RABGAP1L: variants seen among roughly 807,000 people sequenced by gnomAD.
RABGAP1L encodes the protein rab GTPase-activating protein 1-like.
In RABGAP1L, 63 loss-of-function variants were observed where a neutral mutation model predicts 137.7. The ratio of observed to expected loss-of-function variants is 0.46; its 90% CI spans 0.37 to 0.56. RABGAP1L has a LOEUF of 0.56. Ranked by LOEUF, RABGAP1L falls within the 20% of genes least tolerant of loss-of-function variation. RABGAP1L has a pLI of 0.00. For missense variants in RABGAP1L, 1,095 were observed against 1,244.0 expected (o/e 0.88, Z 1.80); for synonymous variants, 431 against 433.7 (o/e 0.99, Z 0.08).
At chr1:174,300,986 C>A (rs1043391635) in intron 10 of RABGAP1L, among the ~76,000 whole-genome samples, 4 of 152,218 alleles carry the variant, frequency 2.6e-5, no homozygotes, top group Non-Finnish European at 4.4e-5. Flanking sequence ...GTTGGTAACA[C>A]CCCTGTCCGG....
intron 19 of RABGAP1L, among the ~76,000 whole-genome samples, chr1:174,812,946 A>G (rs1690026815): frequency 6.6e-6 from 1 of 152,166 alleles, no homozygotes; most frequent in Non-Finnish European, 1.5e-5. Flanking sequence ...GGGCTTGAGA[A>G]ACAGGAAGGC....
At chr1:174,331,837 C>G (rs539590817) in intron 11 of RABGAP1L, among the ~76,000 whole-genome samples, 1 of 137,318 alleles carries the variant, frequency 7.3e-6, no homozygotes, top group African/African-American at 2.7e-5. Context: ...TCCCCCCACC[C>G]CACAACCGTC....
chr1:174,883,994 A>C (rs566167671), intron 19 of RABGAP1L, among the ~76,000 whole-genome samples: 1 of 152,340 alleles, frequency 6.6e-6, no homozygotes, highest in East Asian at 1.9e-4. Context: ...GGTTATCAAG[A>C]ATAGAATGGA....
intron 11 of RABGAP1L, among the ~76,000 whole-genome samples, chr1:174,357,763 T>G (rs1683763498): frequency 6.6e-6 from 1 of 152,190 alleles, no homozygotes; most frequent in African/African-American, 2.4e-5. Context: ...CTGAGTTGGG[T>G]AAAGAAAAGT....
chr1:174,912,530 T>C (rs1660214637), intron 19 of RABGAP1L, among the ~76,000 whole-genome samples: 1 of 152,184 alleles, frequency 6.6e-6, no homozygotes, highest in Non-Finnish European at 1.5e-5. Context: ...AGTATAACCA[T>C]GTGCATATTA....
chr1:174,514,407 C>G (rs1245217215), intron 13 of RABGAP1L, among the ~76,000 whole-genome samples: 1 of 152,048 alleles, frequency 6.6e-6, no homozygotes. Flanking sequence ...ACTAGTTCCT[C>G]AAGAAGCTTG....
chr1:174,981,150 G>C (rs1301373798), intron 23 of RABGAP1L, among the ~76,000 whole-genome samples: 1 of 152,168 alleles, frequency 6.6e-6, no homozygotes, highest in African/African-American at 2.4e-5. Flanking sequence ...TATCTGGCAA[G>C]CCCTTGAAAT....
intron 19 of RABGAP1L, among the ~76,000 whole-genome samples, chr1:174,937,834 T>C (rs1573915373): frequency 6.7e-6 from 1 of 148,344 alleles, no homozygotes; most frequent in African/African-American, 2.5e-5. Context: ...GTAGCTGGGA[T>C]TACAGGCGCC....
chr1:174,233,567 C>A (rs2148516322), intron 4 of RABGAP1L, among the ~76,000 whole-genome samples: 1 of 143,836 alleles, frequency 7.0e-6, no homozygotes, highest in East Asian at 1.9e-4. Flanking sequence ...TTTCCAATTT[C>A]ATCCATGCCC....
chr1:174,730,024 C>T (rs899873655), intron 17 of RABGAP1L, among the ~76,000 whole-genome samples: 2 of 152,132 alleles, frequency 1.3e-5, no homozygotes, highest in African/African-American at 4.8e-5. Flanking sequence ...TTAATTGCAG[C>T]ACTATTTGCA....
chr1:174,815,249 C>T (rs1278865605), intron 19 of RABGAP1L, among the ~76,000 whole-genome samples: 2 of 152,074 alleles, frequency 1.3e-5, no homozygotes, highest in African/African-American at 2.4e-5. Context: ...GTCATCATGC[C>T]ATCATTACAG....
chr1:174,226,161 C>T (rs1285790892), intron 3 of RABGAP1L, among the ~76,000 whole-genome samples: 2 of 152,124 alleles, frequency 1.3e-5, no homozygotes, highest in Non-Finnish European at 2.9e-5. Context: ...CTCGGACCAC[C>T]CTTAGGTCAA....
chr1:174,955,342 C>T (rs941189383), intron 19 of RABGAP1L, among the ~76,000 whole-genome samples: 18 of 151,996 alleles, frequency 1.2e-4, no homozygotes, highest in African/African-American at 4.3e-4. Flanking sequence ...GTGAAACTTC[C>T]CAATTGTGGT....
intron 1 of RABGAP1L, among the ~76,000 whole-genome samples, chr1:174,215,784 A>G (rs1669263995): frequency 6.6e-6 from 1 of 152,198 alleles, no homozygotes; most frequent in Admixed American, 6.5e-5. Context: ...AAATCTAAAA[A>G]TTGAGGTTTC....
At chr1:174,309,327 C>T (rs1014823309) in intron 11 of RABGAP1L, among the ~76,000 whole-genome samples, 4 of 151,984 alleles carry the variant, frequency 2.6e-5, no homozygotes, top group Non-Finnish European at 5.9e-5. Context: ...GATTTCTTCT[C>T]CAATTTGTAT....
At chr1:174,343,977 T>C (rs932067167) in intron 11 of RABGAP1L, among the ~76,000 whole-genome samples, 43 of 152,210 alleles carry the variant, frequency 2.8e-4, no homozygotes, top group African/African-American at 9.2e-4. Flanking sequence ...GCTGTGTAGC[T>C]GCTGGCCATT....
chr1:174,938,058 A>G (rs142569717), intron 19 of RABGAP1L, among the ~76,000 whole-genome samples: 121 of 152,180 alleles, frequency 8.0e-4, no homozygotes, highest in Admixed American at 1.0e-3. Context: ...AAAAGCATAT[A>G]ACACAGATTT....
chr1:174,233,661 A>G (rs1346308849), intron 4 of RABGAP1L, among the ~76,000 whole-genome samples: 1 of 131,148 alleles, frequency 7.6e-6, no homozygotes, highest in Non-Finnish European at 1.5e-5. Context: ...AATCCAGTCT[A>G]TCATTGTTGG....
chr1:174,162,075 C>A (rs1160463305), intron 1 of RABGAP1L, among the ~76,000 whole-genome samples: 2 of 149,356 alleles, frequency 1.3e-5, no homozygotes, highest in African/African-American at 2.5e-5. Context: ...ATGGGAATTT[C>A]TATATATTAC....
Sources: gnomAD v4.1 joint callset for allele counts (sites outside exome capture counted in the v4.1 genomes callset) on GRCh38, gnomAD v4.1.1 for gene constraint, MANE v1.5 for transcripts, NCBI Gene and HGNC (gene_info 2026-07-23, HGNC 2026-07-21) for gene names.